The following JAM3 variants were observed in gnomAD, a reference collection of about 807,000 sequenced individuals.
The protein encoded by JAM3 is junctional adhesion molecule 3, also known as junctional adhesion molecule C.
Under a neutral mutation model 39.4 loss-of-function variants are expected in JAM3, and 31 were observed. The ratio of observed to expected loss-of-function variants is 0.79; its 90% CI spans 0.59 to 1.06. The LOEUF (loss-of-function observed/expected upper bound fraction) is 1.06. Among genes scored for constraint, JAM3 ranks in the 50% least tolerant of loss-of-function variants. JAM3 has a pLI of 0.00. For missense variants in JAM3, 455 were observed against 391.4 expected, an observed-to-expected ratio of 1.16 and a Z score of -1.37; for synonymous variants, 182 against 148.7, an observed-to-expected ratio of 1.22 and a Z score of -1.63.
At chr11:134,134,398 C>A (rs1448636409) in intron 1 of JAM3, among the ~76,000 whole-genome samples, 38 of 31,904 alleles carry the variant, frequency 1.2e-3, no homozygotes, top group South Asian at 3.1e-3. Context: ...GGATAAATGC[C>A]AAAAAAAAAA....
At chr11:134,145,869 C>A in intron 5 of JAM3, 77 bp from the exon 6 acceptor site, 7 of 949,260 alleles carry the variant, frequency 7.4e-6, no homozygotes, top group Non-Finnish European at 1.2e-5. Context: ...CGACCTAGTT[C>A]TGGACCCAGC....
chr11:134,131,682 G>A (rs1942772914), intron 1 of JAM3, among the ~76,000 whole-genome samples: 1 of 152,048 alleles, frequency 6.6e-6, no homozygotes, highest in Non-Finnish European at 1.5e-5. Flanking sequence ...GGGAGAACAT[G>A]GACAAAGAAC....
chr11:134,123,313 A>T (rs1248827929), intron 1 of JAM3, among the ~76,000 whole-genome samples: 1 of 152,128 alleles, frequency 6.6e-6, no homozygotes, highest in Non-Finnish European at 1.5e-5. Flanking sequence ...TCCATCTACA[A>T]CTTGCATCAG....
At chr11:134,139,128 A>C (rs1565503221) in intron 1 of JAM3, among the ~76,000 whole-genome samples, 2 of 152,188 alleles carry the variant, frequency 1.3e-5, no homozygotes, top group Admixed American at 6.5e-5. Flanking sequence ...TTAGTTGAGA[A>C]ATTTTGAGAC....
intron 1 of JAM3, among the ~76,000 whole-genome samples, chr11:134,084,329 G>C (rs760593125): frequency 6.6e-6 from 1 of 152,184 alleles, no homozygotes; most frequent in Non-Finnish European, 1.5e-5. Flanking sequence ...AGCATAGCTA[G>C]ACCGAGGTTT....
At chr11:134,095,919 C>T (rs1439607401) in intron 1 of JAM3, among the ~76,000 whole-genome samples, 3 of 152,152 alleles carry the variant, frequency 2.0e-5, no homozygotes, top group Admixed American at 1.3e-4. Flanking sequence ...CACATACAGC[C>T]CTCTAACCCA....
At chr11:134,115,488 G>A (rs1373468493) in intron 1 of JAM3, among the ~76,000 whole-genome samples, 1 of 151,994 alleles carries the variant, frequency 6.6e-6, no homozygotes, top group African/African-American at 2.4e-5. Flanking sequence ...TTTTTTGTTG[G>A]TTTATTAGCT....
intron 1 of JAM3, among the ~76,000 whole-genome samples, chr11:134,112,234 G>T (rs1465224072): frequency 6.6e-6 from 1 of 152,060 alleles, no homozygotes; most frequent in African/African-American, 2.4e-5. Flanking sequence ...TTACAGGGAT[G>T]CACCACCACG....
At chr11:134,106,400 G>A (rs566707722) in intron 1 of JAM3, among the ~76,000 whole-genome samples, 64 of 152,166 alleles carry the variant, frequency 4.2e-4, no homozygotes, top group Non-Finnish European at 8.1e-4. Context: ...AACCCTAGAA[G>A]AAAACCTAGG....
intron 1 of JAM3, among the ~76,000 whole-genome samples, chr11:134,109,705 G>C (rs1306423638): frequency 1.3e-5 from 2 of 152,228 alleles, no homozygotes; most frequent in African/African-American, 4.8e-5. Flanking sequence ...GTGGGCTGGA[G>C]GGGAAAGAGG....
chr11:134,149,929 C>A lies in JAM3; in HGVS notation c.*748C>A. 1 of 173,236 alleles carries A rather than the reference C, an allele frequency of 5.8e-6. No homozygotes were observed. The highest frequency in any genetic ancestry group is 1.2e-5 in the Non-Finnish European group (1 of 80,538). The allele number at this position is 173,236 out of a possible 1,614,324, so 10.7% of individuals were successfully genotyped here. On this transcript the variant is annotated 3_prime_UTR_variant, in exon 9 of 9. Transcript: ENST00000299106. ...TTGTTTATTTTATAAAATTTTACAT[C>A]TAAATTTTTGCTAAGGATGTATTTT...
chr11:134,144,741 G>T (rs762653522), intron 4 of JAM3, 51 bp from the exon 5 acceptor site: 1 of 1,485,158 alleles, frequency 6.7e-7, no homozygotes, highest in Admixed American at 1.7e-5. Flanking sequence ...GCTTTAATAA[G>T]AATAGAGCCC....
At chr11:134,123,684 C>T (rs555395321) in intron 1 of JAM3, 24 of 380,934 alleles carry the variant, frequency 6.3e-5, no homozygotes, top group Middle Eastern at 7.5e-4. Context: ...GCTTTTGTTC[C>T]AATCATGAGG....
Position 134,144,778 on chromosome 11 carries a change from C to CT in JAM3, c.410-9dup, listed in dbSNP as rs1555120912. On this transcript the variant is annotated splice_polypyrimidine_tract_variant and intron_variant, in intron 4 of 8. Transcript: ENST00000299106. ...GTCACTGAGATCTTAAACACCACCC[C>CT]TTTTTCCCCACAGTGAAGCCAGTGA... 164 of 1,611,046 alleles carry CT rather than the reference C, an allele frequency of 1.0e-4. 3 individuals carry two copies. The South Asian group carries it at 1.6e-3, about 16-fold the overall frequency.
At chr11:134,095,813 G>T (rs1187245507) in intron 1 of JAM3, among the ~76,000 whole-genome samples, 1 of 152,122 alleles carries the variant, frequency 6.6e-6, no homozygotes, top group South Asian at 2.1e-4. Context: ...GAGTATACCA[G>T]ACATCTTAAA....
At chr11:134,126,142 G>T (rs932666064) in intron 1 of JAM3, among the ~76,000 whole-genome samples, 2 of 152,118 alleles carry the variant, frequency 1.3e-5, no homozygotes, top group African/African-American at 4.8e-5. Flanking sequence ...GAAAAGCATA[G>T]ATTTTCCTTG....
intron 2 of JAM3, 105 bp downstream of exon 2, chr11:134,140,021 A>G: frequency 1.1e-6 from 1 of 932,488 alleles, no homozygotes; most frequent in South Asian, 1.3e-5. Flanking sequence ...TGCCAGGGAG[A>G]TGTTCCGGGT....
chr11:134,143,634 A>T (rs1194055277), intron 3 of JAM3, among the ~76,000 whole-genome samples: 1 of 152,124 alleles, frequency 6.6e-6, no homozygotes, highest in Non-Finnish European at 1.5e-5. Flanking sequence ...TATTTCTCCC[A>T]TTGTGTGGAT....
At chr11:134,101,667 G>A (rs1212874616) in intron 1 of JAM3, among the ~76,000 whole-genome samples, 3 of 152,088 alleles carry the variant, frequency 2.0e-5, no homozygotes, top group African/African-American at 7.2e-5. Flanking sequence ...CACAAGTATT[G>A]CCTTTTATCA....
Sources: gnomAD v4.1 joint callset for allele counts (sites outside exome capture counted in the v4.1 genomes callset) on GRCh38, gnomAD v4.1.1 for gene constraint, MANE v1.5 for transcripts, NCBI Gene and HGNC (gene_info 2026-07-23, HGNC 2026-07-21) for gene names.